Variants in VPS45 observed in about 807,000 individuals in gnomAD.
VPS45 encodes the protein vacuolar protein sorting-associated protein 45.
A neutral mutation model predicts 75.9 loss-of-function variants in VPS45; 35 were observed. The observed-to-expected ratio is 0.46, with a 90% CI of 0.35 to 0.61. VPS45 has a LOEUF of 0.61. VPS45 is among the 20% of genes least tolerant of loss of function. The probability of loss-of-function intolerance (pLI) is 0.00; values close to 1 mark genes in which losing one functional copy is unlikely to be tolerated. For synonymous variants in VPS45, 220 were observed against 238.2 expected (o/e 0.92, Z 0.70); for missense variants, 559 against 685.9 (o/e 0.81, Z 2.07).
At chr1:150,085,882 C>T (rs1410281996) in intron 10 of VPS45, among the ~76,000 whole-genome samples, 3 of 152,078 alleles carry the variant, frequency 2.0e-5, no homozygotes, top group Non-Finnish European at 2.9e-5. Flanking sequence ...TACATATCCT[C>T]AGAAGAGATT....
rs1161810155 is a variant in VPS45 at position 150,116,743 on chromosome 1, T to C, written c.1625+6116T>C. 2.0e-5 allele frequency among the ~76,000 whole-genome samples: 3 copies of C among 152,210 alleles called. No individual in the cohort carries two copies. The South Asian group carries it at 6.2e-4, about 32-fold the overall frequency. On this transcript the variant is annotated intron_variant, in intron 14 of 14. Transcript: ENST00000644510. ...GTTTAGTTAATCATATGCTTTTAAA[T>C]AGGCTTCCATATCAGAATTCAAAAA...
chr1:150,101,703 C>T (rs587750125), intron 13 of VPS45, among the ~76,000 whole-genome samples: 17 of 151,536 alleles, frequency 1.1e-4, no homozygotes, highest in African/African-American at 4.1e-4. Flanking sequence ...CATTGCACTC[C>T]AGCTCTGGGC....
rs1655437369 is a variant in VPS45 at position 150,077,138 on chromosome 1, G to A, written c.483G>A (p.Gly161=). The part of the protein sequence containing the change: ...DPAQLSRTTQ[G]LTALLLSLKK... ...CCCAGCTATCTAGAACAACTCAAGGGCTTACAGCTCTCCTTTTATCTCTGA... is the reference window on the plus strand; with the variant it reads ...CCCAGCTATCTAGAACAACTCAAGGACTTACAGCTCTCCTTTTATCTCTGA... The change falls in exon 6 of 15, where the codon GGG becomes GGA. Residue 161 remains glycine, a synonymous_variant. Coordinates refer to ENST00000644510, the MANE Select transcript of VPS45 (RefSeq NM_007259.5). 1 of 1,613,952 alleles carries A rather than the reference G, an allele frequency of 6.2e-7. No individual in the cohort carries two copies. The highest frequency in any genetic ancestry group is 1.1e-5 in the South Asian group (1 of 91,082).
chr1:150,142,635 G>C (rs1659447789), intron 14 of VPS45, among the ~76,000 whole-genome samples: 1 of 152,186 alleles, frequency 6.6e-6, no homozygotes, highest in African/African-American at 2.4e-5. Flanking sequence ...CTCTGAGAGA[G>C]AGTCCTGAGC....
intron 7 of VPS45, among the ~76,000 whole-genome samples, chr1:150,080,247 G>C (rs1655632273): frequency 6.6e-6 from 1 of 151,436 alleles, no homozygotes; most frequent in South Asian, 2.1e-4. Flanking sequence ...CTGGGTTCAA[G>C]TGATTCCCTG....
intron 14 of VPS45, among the ~76,000 whole-genome samples, chr1:150,124,633 C>A (rs1448366585): frequency 6.6e-6 from 1 of 150,874 alleles, no homozygotes; most frequent in Non-Finnish European, 1.5e-5. Flanking sequence ...CTCCAACCCC[C>A]CTACCTCCCG....
chr1:150,130,325 A>C (rs918380072), intron 14 of VPS45, among the ~76,000 whole-genome samples: 3 of 147,810 alleles, frequency 2.0e-5, no homozygotes, highest in Non-Finnish European at 4.4e-5. Flanking sequence ...AGTAGCTGGG[A>C]CTACACGTGT....
intron 13 of VPS45, among the ~76,000 whole-genome samples, chr1:150,108,871 A>G (rs1399638975): frequency 1.3e-5 from 2 of 151,964 alleles, no homozygotes; most frequent in African/African-American, 4.8e-5. Flanking sequence ...CTCACTGCTC[A>G]CCTCCTGCTG....
At chr1:150,128,694 C>T (rs1207854299) in intron 14 of VPS45, among the ~76,000 whole-genome samples, 2 of 151,768 alleles carry the variant, frequency 1.3e-5, no homozygotes, top group Admixed American at 6.6e-5. Flanking sequence ...CTCTTCACTA[C>T]GGACGTTTCA....
intron 10 of VPS45, among the ~76,000 whole-genome samples, chr1:150,088,475 CTTTTTTCTT>C (rs1656142683): frequency 1.1e-5 from 1 of 87,876 alleles, no homozygotes; most frequent in African/African-American, 4.6e-5. Context: ...TTTCTTTTCC[CTTTTTTCTT>C]TTTTTTTTTT....
rs587683043 is a variant in VPS45, at chr1:150,104,747, C to T, written c.1494-5749C>T. On this transcript the variant is annotated intron_variant, in intron 13 of 14. Transcript: ENST00000644510. Reference sequence around the variant, plus strand: ...CTGAGACTATAGGGGAAAGCCACCACGCTGGGCTAATTTTTAAAAATTTTT... The same window carrying T: ...CTGAGACTATAGGGGAAAGCCACCATGCTGGGCTAATTTTTAAAAATTTTT... 3.0e-4 allele frequency among the ~76,000 whole-genome samples: 46 copies of T among 152,180 alleles called. 1 individual carries two copies. Among genetic ancestry groups the T allele is most frequent in the African/African-American group, 9.6e-4 (40 of 41,520 alleles).
At chr1:150,081,208 A>T in intron 7 of VPS45, 134 bp from the exon 8 acceptor site, 1 of 887,224 alleles carries the variant, frequency 1.1e-6, no homozygotes, top group Non-Finnish European at 1.6e-6. Context: ...CAAAGTATGA[A>T]TAAAATTTAA....
intron 10 of VPS45, among the ~76,000 whole-genome samples, chr1:150,084,495 G>A (rs587684179): frequency 6.6e-6 from 1 of 152,240 alleles, no homozygotes; most frequent in East Asian, 1.9e-4. Context: ...TAAATCAGAG[G>A]TAATCCCATG....
chr1:150,112,012 G>A (rs905468442), intron 14 of VPS45, among the ~76,000 whole-genome samples: 1 of 152,092 alleles, frequency 6.6e-6, no homozygotes, highest in Non-Finnish European at 1.5e-5. Context: ...TTTGAATCCT[G>A]ATTTCCCTCT....
Position 150,072,171 on chromosome 1 carries a change from T to C in VPS45, c.234T>C (p.Asn78=), listed in dbSNP as rs782045429. 2 of 1,606,788 alleles carry C rather than the reference T, an allele frequency of 1.2e-6. No homozygotes were observed. The highest frequency in any genetic ancestry group is 1.7e-6 in the Non-Finnish European group (2 of 1,176,302). The stretch of plus-strand genomic sequence containing the variant: ...GCTTGTTCTTCATTTTCTAGGAGAA[T>C]GTGGATTATATTATTCAGGAGCTCC... ...AICFLRPTKE[N]VDYIIQELRR... The change falls in exon 3 of 15, where the codon AAT becomes AAC. Residue 78 remains asparagine, a synonymous_variant. Transcript: ENST00000644510.
chr1:150,120,931 G>A (rs898803494), intron 14 of VPS45, among the ~76,000 whole-genome samples: 5 of 141,346 alleles, frequency 3.5e-5, no homozygotes, highest in Admixed American at 7.6e-5. Flanking sequence ...GCAGTGGCGC[G>A]ATCTCGGCTC....
chr1:150,075,184 T>C (rs1461257233), intron 3 of VPS45, among the ~76,000 whole-genome samples: 2 of 143,032 alleles, frequency 1.4e-5, no homozygotes, highest in African/African-American at 5.2e-5. Context: ...AGGATCAAAG[T>C]AAGGTTCACA....
At chr1:150,092,822 A>G (rs1553802244) in intron 12 of VPS45, among the ~76,000 whole-genome samples, 1 of 148,826 alleles carries the variant, frequency 6.7e-6, no homozygotes, top group Non-Finnish European at 1.5e-5. Flanking sequence ...AATTAATTCT[A>G]ATCTGCTAGC....
chr1:150,106,089 C>T (rs1657310144), intron 13 of VPS45, among the ~76,000 whole-genome samples: 1 of 152,092 alleles, frequency 6.6e-6, no homozygotes, highest in South Asian at 2.1e-4. Flanking sequence ...ATCTCTTAAC[C>T]ATATACAAAA....
Sources: gnomAD v4.1 joint callset for allele counts (sites outside exome capture counted in the v4.1 genomes callset) on GRCh38, gnomAD v4.1.1 for gene constraint, MANE v1.5 for transcripts, NCBI Gene and HGNC (gene_info 2026-07-23, HGNC 2026-07-21) for gene names.